Variants in KLHL29 observed in about 807,000 individuals in gnomAD.
KLHL29 encodes the protein kelch-like protein 29.
In KLHL29, 21 loss-of-function variants were observed where a neutral mutation model predicts 80.4. That is an observed-to-expected ratio of 0.26 (90% CI 0.19 to 0.38). The LOEUF (loss-of-function observed/expected upper bound fraction) is 0.38, where lower values mean the gene tolerates loss of function less well. Ranked by LOEUF, KLHL29 falls within the 10% of genes least tolerant of loss-of-function variation. The probability of loss-of-function intolerance (pLI) is 1.00; values close to 1 mark genes in which losing one functional copy is unlikely to be tolerated. For synonymous variants in KLHL29, 511 were observed against 526.8 expected, an observed-to-expected ratio of 0.97 and a Z score of 0.41; for missense variants, 867 against 1,223.9, an observed-to-expected ratio of 0.71 and a Z score of 4.35.
chr2:23,469,216 G>A (rs936138161), intron 1 of KLHL29, among the ~76,000 whole-genome samples: 8 of 152,210 alleles, frequency 5.3e-5, no homozygotes, highest in African/African-American at 1.9e-4. Context: ...CGGGAGTGGA[G>A]CCTCTATAGA....
At chr2:23,418,538 G>A (rs1662672836) in intron 1 of KLHL29, among the ~76,000 whole-genome samples, 1 of 152,224 alleles carries the variant, frequency 6.6e-6, no homozygotes, top group South Asian at 2.1e-4. Flanking sequence ...ACAGTAATCA[G>A]GCATTTGTTA....
chr2:23,616,684 AAGAG>A (rs957211828), intron 3 of KLHL29: 4 of 152,168 alleles, frequency 2.6e-5, no homozygotes, highest in African/African-American at 9.7e-5. Context: ...CATGAACTGT[AAGAG>A]AGATCTTATC....
intron 2 of KLHL29, among the ~76,000 whole-genome samples, chr2:23,532,308 G>T (rs189421275): frequency 6.6e-6 from 1 of 152,214 alleles, no homozygotes; most frequent in Non-Finnish European, 1.5e-5. Flanking sequence ...TTAACTCCCT[G>T]TAATGGCCTC....
At chr2:23,661,042 AGAGAG>A (rs1670391469) in intron 5 of KLHL29, among the ~76,000 whole-genome samples, 1 of 148,460 alleles carries the variant, frequency 6.7e-6, no homozygotes, top group African/African-American at 2.5e-5. Flanking sequence ...AGAAAAAAAA[AGAGAG>A]AGAGAGAGAG....
chr2:23,411,769 G>A lies in KLHL29; in HGVS notation c.-154+25989G>A, dbSNP rs115595406. Among the ~76,000 whole-genome samples, 1,422 of 152,228 alleles carry A rather than the reference G, an allele frequency of 9.3e-3. 27 individuals carry two copies. The highest frequency in any genetic ancestry group is 0.033 in the African/African-American group (1,354 of 41,514). ...CCAGCATCAGTAGCATTGAAAGATT[G>A]GTTCTGAGGGTCTCCTCGGGCTCTT... is the stretch of plus-strand genomic sequence containing the variant. On this transcript the variant is annotated intron_variant, in intron 1 of 13. Transcript: ENST00000486442.
At chr2:23,630,554 G>C (rs887257320) in intron 3 of KLHL29, among the ~76,000 whole-genome samples, 5 of 152,082 alleles carry the variant, frequency 3.3e-5, no homozygotes, top group Admixed American at 3.3e-4. Flanking sequence ...TGCTATCTTG[G>C]CTCAATGCAA....
chr2:23,476,595 T>C (rs1203099150), intron 2 of KLHL29, among the ~76,000 whole-genome samples: 2 of 152,236 alleles, frequency 1.3e-5, no homozygotes, highest in Non-Finnish European at 2.9e-5. Context: ...ACAGACTGTC[T>C]ACTCTGTGGA....
chr2:23,519,899 A>G (rs1291065139), intron 2 of KLHL29, among the ~76,000 whole-genome samples: 5 of 96,610 alleles, frequency 5.2e-5, no homozygotes, highest in Admixed American at 2.0e-4. Context: ...AAAGGAGGCA[A>G]TCAGATATGA....
intron 3 of KLHL29, among the ~76,000 whole-genome samples, chr2:23,569,815 T>G (rs1205332395): frequency 6.6e-6 from 1 of 152,252 alleles, no homozygotes; most frequent in Non-Finnish European, 1.5e-5. Flanking sequence ...TTGATTTCAT[T>G]GAGGGAATGT....
chr2:23,529,835 T>C (rs1666438578), intron 2 of KLHL29, among the ~76,000 whole-genome samples: 2 of 152,286 alleles, frequency 1.3e-5, no homozygotes, highest in Middle Eastern at 3.4e-3. Context: ...ATTTGCAGAC[T>C]GAGCTCTGGT....
At chr2:23,698,522 C>A (rs1283071032) in intron 11 of KLHL29, among the ~76,000 whole-genome samples, 2 of 151,964 alleles carry the variant, frequency 1.3e-5, no homozygotes, top group African/African-American at 4.8e-5. Context: ...ACTAATGGTA[C>A]AAATGGCTAT....
intron 1 of KLHL29, among the ~76,000 whole-genome samples, chr2:23,412,130 G>GA (rs938887578): frequency 7.4e-6 from 1 of 134,254 alleles, no homozygotes; most frequent in Non-Finnish European, 1.5e-5. Context: ...GAAGGGGGGG[G>GA]GGGGGCGGTG....
At chr2:23,646,794 C>T (rs921339687) in intron 5 of KLHL29, among the ~76,000 whole-genome samples, 1 of 152,210 alleles carries the variant, frequency 6.6e-6, no homozygotes, top group African/African-American at 2.4e-5. Flanking sequence ...TACTTTGAGG[C>T]ACAGGGAATA....
chr2:23,443,930 G>A lies in KLHL29; in HGVS notation c.-153-31630G>A, dbSNP rs570378057. 9.2e-5 allele frequency among the ~76,000 whole-genome samples: 14 copies of A among 152,308 alleles called. No homozygotes were observed. The South Asian group carries it at 2.7e-3, about 29-fold the overall frequency. ...CACCTAATGGCTTTTGCATCCCTTG[G>A]TAACCCTTATGTGAGGTAGCAGGGG... On this transcript the variant is annotated intron_variant, in intron 1 of 13. Coordinates refer to ENST00000486442, the MANE Select transcript of KLHL29 (RefSeq NM_052920.2).
intron 1 of KLHL29, among the ~76,000 whole-genome samples, chr2:23,443,373 C>T (rs1663586976): frequency 1.3e-5 from 2 of 152,192 alleles, no homozygotes; most frequent in African/African-American, 4.8e-5. Context: ...AACATACAGT[C>T]TACATTCAAA....
At chr2:23,395,767 AAAAG>A (rs892693047) in intron 1 of KLHL29, among the ~76,000 whole-genome samples, 1 of 152,018 alleles carries the variant, frequency 6.6e-6, no homozygotes, top group Non-Finnish European at 1.5e-5. Context: ...AAAAAAAAAA[AAAAG>A]AAACTCCGAT....
intron 5 of KLHL29, among the ~76,000 whole-genome samples, chr2:23,648,525 C>T (rs2149162374): frequency 6.6e-6 from 1 of 152,156 alleles, no homozygotes; most frequent in East Asian, 1.9e-4. Flanking sequence ...TTTGACAATC[C>T]TCCACTGACC....
chr2:23,448,572 A>G (rs1572520234), intron 1 of KLHL29, among the ~76,000 whole-genome samples: 1 of 152,340 alleles, frequency 6.6e-6, no homozygotes, highest in East Asian at 1.9e-4. Context: ...TCAACAGGAC[A>G]CTGCATGGCT....
At position 23,682,594 on chromosome 2, in the gene KLHL29, C is replaced by T. The variant is rs944615101; in HGVS notation, c.941-1805C>T. On this transcript the variant is annotated intron_variant, in intron 5 of 13. Transcript: ENST00000486442. The surrounding 1 kb of genome is among the most constrained non-coding windows in gnomAD (Gnocchi z 4.1). The stretch of plus-strand genomic sequence containing the variant: ...CCCAGGCAAGACTGTTGCGATCTGG[C>T]CCCGCCCACCGCCTCATTGTGTTCC... 5.3e-5 allele frequency among the ~76,000 whole-genome samples: 8 copies of T among 152,182 alleles called. No individual in the cohort carries two copies. Among genetic ancestry groups the T allele is most frequent in the African/African-American group, 1.7e-4 (7 of 41,442 alleles).
Sources: allele counts gnomAD v4.1 joint callset (sites outside exome capture counted in the v4.1 genomes callset), GRCh38; gene constraint gnomAD v4.1.1; non-coding constraint Gnocchi (gnomAD v3.1); transcripts MANE v1.5; gene names NCBI Gene and HGNC (gene_info 2026-07-23, HGNC 2026-07-21).